The following PKHD1L1 variants were observed in gnomAD, a reference collection of about 807,000 sequenced individuals.
PKHD1L1 encodes the protein fibrocystin-L.
PKHD1L1 carries 434 observed loss-of-function variants against 462.9 expected under a neutral mutation model. That is an observed-to-expected ratio of 0.94 (90% CI 0.87 to 1.02). The LOEUF (loss-of-function observed/expected upper bound fraction) is 1.02. Ranked by LOEUF, PKHD1L1 falls within the 50% of genes least tolerant of loss-of-function variation. The pLI is 0.00. For synonymous variants in PKHD1L1, 1,781 were observed against 1,750.0 expected, an observed-to-expected ratio of 1.02 and a Z score of -0.44; for missense variants, 5,202 against 5,096.1, an observed-to-expected ratio of 1.02 and a Z score of -0.63.
chr8:109,509,790 T>C (rs1289475765), intron 70 of PKHD1L1, among the ~76,000 whole-genome samples: 1 of 152,066 alleles, frequency 6.6e-6, no homozygotes, highest in Non-Finnish European at 1.5e-5. Context: ...ACATGAACTT[T>C]AGAAGTTTAT....
rs1815204976 is a variant in PKHD1L1 at position 109,433,137 on chromosome 8, A to G, written c.3261A>G (p.Ile1087Met). 1 of 1,613,288 alleles carries G rather than the reference A, an allele frequency of 6.2e-7. No individual in the cohort carries two copies. Among genetic ancestry groups the G allele is most frequent in the Non-Finnish European group, 8.5e-7 (1 of 1,179,528 alleles). Residue 1087 changes from isoleucine (I) to methionine (M), a missense_variant, in exon 28 of 78, where the codon ATA (isoleucine) becomes ATG (methionine). Ile to Met is a conservative substitution (Grantham distance 10, BLOSUM62 1). Coordinates refer to ENST00000378402, the MANE Select transcript of PKHD1L1 (RefSeq NM_177531.6). ...GSYEEGTILTIVGSGFSPSSA... is the reference protein window; with the variant it reads ...GSYEEGTILTMVGSGFSPSSA... ...ATGAAGAAGGCACAATTCTAACCAT[A>G]GTGGGTTCTGGATTTTCTCCTAGTT...
At chr8:109,427,285 T>TA in intron 25 of PKHD1L1, 129 bp downstream of exon 25, 1 of 746,122 alleles carries the variant, frequency 1.3e-6, no homozygotes, top group Non-Finnish European at 2.2e-6. Flanking sequence ...AAAATTTCTT[T>TA]AAAAGGAAGT....
chr8:109,448,204 C>T lies in PKHD1L1; in HGVS notation c.5838C>T (p.Ile1946=), dbSNP rs1440749389. ...ACTTTGGCTTTGAGATCTTGGAAATCTCCGTGATGATAAATAACATTCAGT... is the reference window on the plus strand; with the variant it reads ...ACTTTGGCTTTGAGATCTTGGAAATTTCCGTGATGATAAATAACATTCAGT... ...GSNFGFEILE[I]SVMINNIQCN... The change falls in exon 39 of 78, where the codon ATC becomes ATT. Residue 1946 remains isoleucine (I), a synonymous_variant. Transcript: ENST00000378402. 6.2e-7 allele frequency: 1 copy of T among 1,611,762 alleles called. No homozygotes were observed. Among genetic ancestry groups the T allele is most frequent in the East Asian group, 2.2e-5 (1 of 44,826 alleles).
chr8:109,523,983 G>T (rs896960139), intron 76 of PKHD1L1, among the ~76,000 whole-genome samples: 37 of 152,234 alleles, frequency 2.4e-4, no homozygotes, highest in African/African-American at 8.4e-4. Flanking sequence ...AGTAAATACA[G>T]CCATCACTGC....
At chr8:109,480,483 C>T (rs1818222037) in intron 55 of PKHD1L1, 1 of 428,180 alleles carries the variant, frequency 2.3e-6, no homozygotes, top group Non-Finnish European at 4.6e-6. Context: ...GAATTTAAGC[C>T]TTTTGTTCTT....
intron 50 of PKHD1L1, among the ~76,000 whole-genome samples, chr8:109,471,862 A>AT (rs1451790049): frequency 6.6e-6 from 1 of 152,212 alleles, no homozygotes; most frequent in African/African-American, 2.4e-5. Flanking sequence ...ATTTGCAAAT[A>AT]CACTTTTTCC....
intron 50 of PKHD1L1, among the ~76,000 whole-genome samples, chr8:109,471,813 T>G (rs1817737275): frequency 6.6e-6 from 1 of 152,214 alleles, no homozygotes; most frequent in Non-Finnish European, 1.5e-5. Context: ...GCATATCTTC[T>G]GTATTTAATT....
At chr8:109,473,623 AT>A (rs1414399576) in intron 50 of PKHD1L1, among the ~76,000 whole-genome samples, 1 of 152,144 alleles carries the variant, frequency 6.6e-6, no homozygotes, top group Non-Finnish European at 1.5e-5. Context: ...GTTTTGGATG[AT>A]TTTAATCAGC....
intron 47 of PKHD1L1, among the ~76,000 whole-genome samples, chr8:109,461,445 T>G (rs1817120107): frequency 6.6e-6 from 1 of 152,212 alleles, no homozygotes; most frequent in African/African-American, 2.4e-5. Flanking sequence ...TTGCATTGAT[T>G]ATGTTAATCC....
chr8:109,440,050 T>C (rs1341449396), intron 32 of PKHD1L1, among the ~76,000 whole-genome samples: 8 of 152,046 alleles, frequency 5.3e-5, no homozygotes, highest in Non-Finnish European at 1.2e-4. Context: ...AATAACAAGG[T>C]TATGCTGTGG....
chr8:109,440,712 A>G lies in PKHD1L1; in HGVS notation c.3959A>G (p.Asp1320Gly). ...VRNWGFASTR[D>G]KLNSSIQYVL... ...AATCTATTCATTTTTTTTCTCAGAGACAAATTAAATTCTTCAATACAGTAT... is the reference window on the plus strand; with the variant it reads ...AATCTATTCATTTTTTTTCTCAGAGGCAAATTAAATTCTTCAATACAGTAT... Residue 1320 changes from aspartate to glycine, a missense_variant and splice_region_variant, in exon 33 of 78, where the codon GAC (aspartate) becomes GGC (glycine). This residue lies in a region of PKHD1L1 where 4,497 missense variants were observed against 4,336.8 expected (regional missense o/e 1.04). Transcript: ENST00000378402. 1.2e-6 allele frequency: 2 copies of G among 1,605,470 alleles called. No homozygotes were observed. The highest frequency in any genetic ancestry group is 2.2e-5 in the East Asian group (1 of 44,750).
rs769172990 is a variant in PKHD1L1, at chr8:109,404,560, T to C, written c.1380T>C (p.Tyr460=). The C allele has an allele frequency of 3.2e-6, 5 of 1,550,632 alleles. No homozygotes were observed. The South Asian group carries it at 6.3e-5, about 19-fold the overall frequency. ...TAGTTACTCTATTTTCCAGATACTA[T>C]ATTGAAATCTTGCTGCAGGAGTACA... is the stretch of plus-strand genomic sequence containing the variant. ...DIHLQKGKEY[Y]IEILLQEYRL... is the part of the protein sequence containing the mutation. The change falls in exon 15 of 78, where the codon TAT becomes TAC. Residue 460 remains tyrosine (Y), a synonymous_variant. Coordinates refer to ENST00000378402, the MANE Select transcript of PKHD1L1 (RefSeq NM_177531.6).
chr8:109,484,958 A>T, intron 57 of PKHD1L1, 86 bp from the exon 58 acceptor site: 1 of 1,162,458 alleles, frequency 8.6e-7, no homozygotes, highest in Non-Finnish European at 1.2e-6. Flanking sequence ...GATATACATT[A>T]AATTTGAATG....
intron 71 of PKHD1L1, among the ~76,000 whole-genome samples, chr8:109,514,661 A>G (rs550961670): frequency 2.6e-4 from 39 of 152,276 alleles, no homozygotes; most frequent in African/African-American, 8.9e-4. Context: ...TTATGATCAT[A>G]GCTGAGAGCA....
At chr8:109,515,727 C>T (rs1320815177) in intron 72 of PKHD1L1, among the ~76,000 whole-genome samples, 2 of 152,114 alleles carry the variant, frequency 1.3e-5, no homozygotes, top group Non-Finnish European at 2.9e-5. Flanking sequence ...GCTAATATAA[C>T]ATCAACTGAA....
intron 2 of PKHD1L1, among the ~76,000 whole-genome samples, chr8:109,369,338 T>C (rs1415560157): frequency 1.3e-5 from 2 of 152,210 alleles, no homozygotes; most frequent in African/African-American, 4.8e-5. Flanking sequence ...TCTTTTTAAC[T>C]CTTTGGAATT....
At chr8:109,433,292 T>C (rs1329056073) in intron 28 of PKHD1L1, 76 bp downstream of exon 28, 1 of 1,160,822 alleles carries the variant, frequency 8.6e-7, no homozygotes, top group African/African-American at 1.5e-5. Context: ...AGTATTACAA[T>C]TATCTTGATC....
chr8:109,481,459 A>C lies in PKHD1L1; in HGVS notation c.9354A>C (p.Glu3118Asp). ...LQGGRLIGGWEDNPFKGDLKI... is the reference protein window; with the variant it reads ...LQGGRLIGGWDDNPFKGDLKI... ...GAGGTAGATTAATCGGTGGCTGGGA[A>C]GATAACCCTTTTAAAGGAGACTTAA... Residue 3118 changes from glutamate (E) to aspartate (D), a missense_variant, in exon 56 of 78, where the codon GAA becomes GAC. This residue lies in a region of PKHD1L1 where 4,497 missense variants were observed against 4,336.8 expected (regional missense o/e 1.04). Transcript: ENST00000378402. The C allele has an allele frequency of 6.3e-7, 1 of 1,599,920 alleles. No individual in the cohort carries two copies. Among genetic ancestry groups the C allele is most frequent in the East Asian group, 2.3e-5 (1 of 44,404 alleles).
At chr8:109,495,627 G>GGA (rs1355685073) in intron 63 of PKHD1L1, among the ~76,000 whole-genome samples, 1 of 151,988 alleles carries the variant, frequency 6.6e-6, no homozygotes, top group Non-Finnish European at 1.5e-5. Context: ...TGATTCTAAG[G>GGA]GAGAGAAATG....
Sources: gnomAD v4.1 joint callset for allele counts (sites outside exome capture counted in the v4.1 genomes callset) on GRCh38, gnomAD v4.1.1 for gene constraint, gnomAD v4.1.1 regional missense constraint, MANE v1.5 for transcripts, NCBI Gene and HGNC (gene_info 2026-07-23, HGNC 2026-07-21) for gene names.